MINDY4: variants seen among roughly 807,000 people sequenced by gnomAD.
MINDY4 encodes the protein probable ubiquitin carboxyl-terminal hydrolase MINDY-4.
MINDY4 carries 68 observed loss-of-function variants against 87.0 expected under a neutral mutation model. That is an observed-to-expected ratio of 0.78 (90% CI 0.64 to 0.96). MINDY4 has a LOEUF of 0.96. MINDY4 is among the 40% of genes least tolerant of loss of function. MINDY4 has a pLI of 0.00. For synonymous variants in MINDY4, 379 were observed against 363.2 expected, an observed-to-expected ratio of 1.04 and a Z score of -0.50; for missense variants, 919 against 928.2, an observed-to-expected ratio of 0.99 and a Z score of 0.13.
rs556032869 is a variant in MINDY4 at position 30,798,246 on chromosome 7, T to C, written c.1073+6672T>C. Among the ~76,000 whole-genome samples the C allele has an allele frequency of 1.6e-3, 238 of 152,294 alleles. 2 individuals carry two copies. The highest frequency in any genetic ancestry group is 5.7e-3 in the African/African-American group (237 of 41,552). Reference sequence around the variant, plus strand: ...ATTTAGGAAAGGTACAGTAACAATATGATACTATAATCTTATGGAACCACT... The same window carrying C: ...ATTTAGGAAAGGTACAGTAACAATACGATACTATAATCTTATGGAACCACT... On this transcript the variant is annotated intron_variant, in intron 5 of 17. Coordinates refer to ENST00000265299, the MANE Select transcript of MINDY4 (RefSeq NM_032222.3).
At chr7:30,824,084 A>G (rs1788423338) in intron 5 of MINDY4, among the ~76,000 whole-genome samples, 1 of 152,170 alleles carries the variant, frequency 6.6e-6, no homozygotes, top group African/African-American at 2.4e-5. Context: ...GTAGCATATA[A>G]CAGAAAACCT....
At chr7:30,802,381 T>C (rs1162615985) in intron 5 of MINDY4, among the ~76,000 whole-genome samples, 8 of 152,126 alleles carry the variant, frequency 5.3e-5, no homozygotes, top group African/African-American at 1.7e-4. Flanking sequence ...TATCTCACCC[T>C]AATCCTATCC....
At chr7:30,812,827 A>G (rs1369541304) in intron 5 of MINDY4, among the ~76,000 whole-genome samples, 1 of 152,032 alleles carries the variant, frequency 6.6e-6, no homozygotes, top group African/African-American at 2.4e-5. Context: ...TTGTTTTGTC[A>G]AAACTTCTGG....
At chr7:30,816,584 G>A (rs183457333) in intron 5 of MINDY4, among the ~76,000 whole-genome samples, 2 of 152,224 alleles carry the variant, frequency 1.3e-5, no homozygotes, top group African/African-American at 2.4e-5. Context: ...AGGAGGATGC[G>A]GGGCCATCCG....
intron 5 of MINDY4, among the ~76,000 whole-genome samples, chr7:30,825,552 G>A (rs552570614): frequency 1.3e-5 from 2 of 152,232 alleles, no homozygotes; most frequent in Non-Finnish European, 2.9e-5. Flanking sequence ...TTCTGAGCAG[G>A]GGAAGGATGT....
chr7:30,892,038 ACTCATCAC>A lies in MINDY4; in HGVS notation c.*43_*50del, dbSNP rs780841516. Reference sequence around the variant, plus strand: ...ATGTGGGTAAACCCTGTGGTCCACCACTCATCACCTCATCACCGAGGATGACAGCTGAA... The same window carrying A: ...ATGTGGGTAAACCCTGTGGTCCACCACTCATCACCGAGGATGACAGCTGAA... On this transcript the variant is annotated 3_prime_UTR_variant, in exon 18 of 18. Transcript: ENST00000265299. 3.7e-6 allele frequency: 6 copies of A among 1,611,922 alleles called. No individual in the cohort carries two copies. Among genetic ancestry groups the A allele is most frequent in the Non-Finnish European group, 4.2e-6 (5 of 1,178,084 alleles).
At chr7:30,882,126 C>A in intron 15 of MINDY4, 55 bp from the exon 16 acceptor site, 1 of 1,522,900 alleles carries the variant, frequency 6.6e-7, no homozygotes, top group Non-Finnish European at 8.9e-7. Context: ...CAGAAAAATG[C>A]CCGGACCCCT....
intron 15 of MINDY4, among the ~76,000 whole-genome samples, 178 bp downstream of exon 15, chr7:30,875,834 A>T (rs1012256338): frequency 6.6e-6 from 1 of 152,218 alleles, no homozygotes; most frequent in Non-Finnish European, 1.5e-5. Context: ...CTACAGGCCT[A>T]TAATTCAGAC....
intron 4 of MINDY4, among the ~76,000 whole-genome samples, chr7:30,787,722 T>C (rs1268575933): frequency 5.3e-5 from 8 of 152,200 alleles, no homozygotes; most frequent in African/African-American, 1.9e-4. Flanking sequence ...CGGCTAGTTA[T>C]GTAAAAGGGA....
chr7:30,808,198 C>T (rs1025119983), intron 5 of MINDY4, among the ~76,000 whole-genome samples: 10 of 152,128 alleles, frequency 6.6e-5, no homozygotes, highest in African/African-American at 2.4e-4. Context: ...AATGTGGTGG[C>T]TGATCACCAG....
Position 30,791,417 on chromosome 7 carries a change from C to A in MINDY4, c.916C>A (p.Pro306Thr). 1.9e-6 allele frequency: 3 copies of A among 1,614,166 alleles called. No homozygotes were observed. Among genetic ancestry groups the A allele is most frequent in the Non-Finnish European group, 2.5e-6 (3 of 1,180,026 alleles). The change falls in exon 5 of 18, where the codon CCG (proline) becomes ACG (threonine). Residue 306 changes from proline to threonine, a missense_variant. Pro to Thr is a conservative substitution (Grantham distance 38, BLOSUM62 -1). Transcript: ENST00000265299. ...GCTGCCCCCATGGGACAGGGCCAGG[C>A]CGAGGGATCCCTCCGAGGACACCCC... The part of the protein sequence containing the change: ...KRLPPWDRAR[P>T]RDPSEDTPAV...
intron 17 of MINDY4, among the ~76,000 whole-genome samples, chr7:30,887,621 C>T (rs533238541): frequency 6.6e-6 from 1 of 152,274 alleles, no homozygotes; most frequent in Non-Finnish European, 1.5e-5. Flanking sequence ...CCTGGGAGGG[C>T]GGGGCCACTC....
At chr7:30,869,352 T>C (rs563372233) in intron 13 of MINDY4, among the ~76,000 whole-genome samples, 1 of 152,328 alleles carries the variant, frequency 6.6e-6, no homozygotes, top group South Asian at 2.1e-4. Context: ...CCCGTATGTT[T>C]CATGTAATGG....
At chr7:30,876,345 C>T (rs370451194) in intron 15 of MINDY4, among the ~76,000 whole-genome samples, 1 of 152,160 alleles carries the variant, frequency 6.6e-6, no homozygotes, top group African/African-American at 2.4e-5. Context: ...AGTATGACCT[C>T]GTCTTAACTA....
rs1227685452 is a variant in MINDY4, at chr7:30,817,786, TC to T, written c.1074-10891del. On this transcript the variant is annotated intron_variant, in intron 5 of 17. Transcript: ENST00000265299. ...CCTAGCATGTGCGTGTCCATCCACT[TC>T]CTATATGTCTGTCCATGTCTGAACA... Among the ~76,000 whole-genome samples the T allele has an allele frequency of 5.9e-5, 9 of 152,348 alleles. No individual in the cohort carries two copies. In the East Asian group the frequency reaches 1.7e-3, roughly 29 times the overall value.
chr7:30,848,948 G>A (rs1182874254), intron 9 of MINDY4, among the ~76,000 whole-genome samples: 1 of 152,170 alleles, frequency 6.6e-6, no homozygotes, highest in East Asian at 1.9e-4. Flanking sequence ...TAGTCACCAC[G>A]TGCCAGCCAC....
intron 1 of MINDY4, among the ~76,000 whole-genome samples, chr7:30,776,802 A>G (rs1401805216): frequency 1.3e-5 from 2 of 152,186 alleles, no homozygotes; most frequent in Non-Finnish European, 2.9e-5. Flanking sequence ...CTTTCCCAAC[A>G]GAACATCAGC....
rs1461423434 is a variant in MINDY4 at position 30,772,586 on chromosome 7, C to T, written c.63+1030C>T. Among the ~76,000 whole-genome samples, 3 of 152,242 alleles carry T rather than the reference C, an allele frequency of 2.0e-5. No individual in the cohort carries two copies. The East Asian group carries it at 5.8e-4, about 29-fold the overall frequency. On this transcript the variant is annotated intron_variant, in intron 1 of 17. Transcript: ENST00000265299. Reference sequence around the variant, plus strand: ...TGCACGTAGGTGTTCAACTTTATACCTCCTCCCACCCTCACTGTTTCTGAC... The same window carrying T: ...TGCACGTAGGTGTTCAACTTTATACTTCCTCCCACCCTCACTGTTTCTGAC...
At chr7:30,843,048 C>T (rs1789090872) in intron 9 of MINDY4, among the ~76,000 whole-genome samples, 1 of 152,222 alleles carries the variant, frequency 6.6e-6, no homozygotes, top group Non-Finnish European at 1.5e-5. Flanking sequence ...CCACCTACTA[C>T]TGCCCACCCC....
Sources: gnomAD v4.1 joint callset for allele counts (sites outside exome capture counted in the v4.1 genomes callset) on GRCh38, gnomAD v4.1.1 for gene constraint, MANE v1.5 for transcripts, NCBI Gene and HGNC (gene_info 2026-07-23, HGNC 2026-07-21) for gene names.